HJURP: variants seen among roughly 807,000 people sequenced by gnomAD.
The protein encoded by HJURP is Holliday junction recognition protein, also known as 14-3-3-associated AKT substrate.
A neutral mutation model predicts 72.0 loss-of-function variants in HJURP; 49 were observed. The ratio of observed to expected loss-of-function variants is 0.68; its 90% CI spans 0.54 to 0.86. HJURP has a LOEUF of 0.86. Ranked by LOEUF, HJURP falls within the 40% of genes least tolerant of loss-of-function variation. HJURP has a pLI of 0.00. For missense variants in HJURP, 908 were observed against 936.3 expected (o/e 0.97, Z 0.39); for synonymous variants, 357 against 347.1 (o/e 1.03, Z -0.32).
Position 233,840,762 on chromosome 2 carries a change from G to T in HJURP, c.2018C>A (p.Thr673Lys), listed in dbSNP as rs1276915134. The change falls in exon 8 of 9, where the codon ACG (threonine) becomes AAG (lysine). Residue 673 changes from threonine to lysine, a missense_variant. Coordinates refer to ENST00000411486, the MANE Select transcript of HJURP (RefSeq NM_018410.5). The stretch of plus-strand genomic sequence containing the variant: ...TTTTGCAGGGAACTGATGGTCCCTC[G>T]TGCCATCCCTCGTGATGGCACGAGC... ...CVARAITRDG[T>K]RDHQFPAKRP... 1.9e-6 allele frequency: 3 copies of T among 1,613,852 alleles called. No individual in the cohort carries two copies. Among genetic ancestry groups the T allele is most frequent in the Non-Finnish European group, 2.5e-6 (3 of 1,179,986 alleles).
rs1287169579 is a variant in HJURP, at chr2:233,840,774, G to T, written c.2006C>A (p.Thr669Lys). The change falls in exon 8 of 9, where the codon ACG (threonine) becomes AAG (lysine). Residue 669 changes from threonine to lysine, a missense_variant. By Grantham distance (78) the Thr-to-Lys change is moderately conservative. Coordinates refer to ENST00000411486, the MANE Select transcript of HJURP (RefSeq NM_018410.5). Reference protein sequence around the residue: ...PSSTCVARAITRDGTRDHQFP... With the variant: ...PSSTCVARAIKRDGTRDHQFP... ...CTGATGGTCCCTCGTGCCATCCCTC[G>T]TGATGGCACGAGCAACACATGTAGA... The T allele has an allele frequency of 1.2e-6, 2 of 1,613,448 alleles. No individual in the cohort carries two copies. Among genetic ancestry groups the T allele is most frequent in the Non-Finnish European group, 1.7e-6 (2 of 1,179,878 alleles).
At chr2:233,840,389 G>A (rs569299312) in intron 8 of HJURP, among the ~76,000 whole-genome samples, 1 of 152,332 alleles carries the variant, frequency 6.6e-6, no homozygotes, top group African/African-American at 2.4e-5. Flanking sequence ...AGCACTTTCT[G>A]CTTTACCTCG....
chr2:233,844,266 A>G lies in HJURP; in HGVS notation c.513T>C (p.Ala171=), dbSNP rs1468810761. 6.2e-7 allele frequency: 1 copy of G among 1,614,048 alleles called. No individual in the cohort carries two copies. Among genetic ancestry groups the G allele is most frequent in the Non-Finnish European group, 8.5e-7 (1 of 1,180,018 alleles). ...GCGGAGTCACACGTACATCCCTTCC[A>G]GCTCTGTTACCTGCACACTGAAATC... The part of the protein sequence containing the change: ...AEYFECAGNR[A]GRDVRVTPLP... The change falls in exon 7 of 9, where the codon GCT becomes GCC. Residue 171 remains alanine, a synonymous_variant. Coordinates refer to ENST00000411486, the MANE Select transcript of HJURP (RefSeq NM_018410.5).
intron 1 of HJURP, among the ~76,000 whole-genome samples, 198 bp downstream of exon 1, chr2:233,854,186 C>G (rs954210692): frequency 8.5e-5 from 13 of 152,190 alleles, no homozygotes; most frequent in Admixed American, 5.2e-4. Flanking sequence ...CGCACCGAAG[C>G]CTTCGGCGCT....
chr2:233,854,075 G>A (rs1334829377), intron 1 of HJURP, among the ~76,000 whole-genome samples, 165 bp from the exon 2 acceptor site: 1 of 151,998 alleles, frequency 6.6e-6, no homozygotes, highest in Non-Finnish European at 1.5e-5. Flanking sequence ...GTCCCACTCA[G>A]GAGCACCCCC....
chr2:233,850,518 C>G (rs11562956), intron 3 of HJURP, among the ~76,000 whole-genome samples: 3,067 of 152,184 alleles, frequency 0.02, 130 homozygotes, highest in East Asian at 0.19. Context: ...TTCAGGATAC[C>G]AGATTGGCTG....
rs988952417 is a variant in HJURP, at chr2:233,848,467, C to T, written c.338-1006G>A. 5.9e-5 allele frequency among the ~76,000 whole-genome samples: 9 copies of T among 152,222 alleles called. No individual in the cohort carries two copies. The East Asian group carries it at 1.2e-3, about 20-fold the overall frequency. The stretch of plus-strand genomic sequence containing the variant: ...CACATTCACAGGGGCGTCAGTGGGG[C>T]GGAGGGAGCCCGGGTGGGGTTGGAG... On this transcript the variant is annotated intron_variant, in intron 4 of 8. Transcript: ENST00000411486.
rs1240029390 is a variant in HJURP, at chr2:233,837,580, C to T, written c.2244G>A (p.Val748=). 2 of 1,599,778 alleles carry T rather than the reference C, an allele frequency of 1.3e-6. No individual in the cohort carries two copies. Among genetic ancestry groups the T allele is most frequent in the Non-Finnish European group, 1.7e-6 (2 of 1,167,672 alleles). Residue 748 remains valine (V), a synonymous_variant, in exon 9 of 9, where the codon GTG becomes GTA. Transcript: ENST00000411486. ...FMLEKLETKS[V] is the part of the protein sequence containing the mutation. The stretch of plus-strand genomic sequence containing the variant: ...ATAACACTCCGAAATAACCTAGCTA[C>T]ACACTTTTAGTTTCCAATTTTTCTA...
At chr2:233,837,785 G>A (rs1019240541) in intron 8 of HJURP, 133 bp from the exon 9 acceptor site, 16 of 638,530 alleles carry the variant, frequency 2.5e-5, no homozygotes, top group African/African-American at 1.8e-4. Flanking sequence ...GTGGCATTAC[G>A]TTAAATAAGT....
chr2:233,845,858 C>A (rs376980765), intron 5 of HJURP, 38 bp from the exon 6 acceptor site: 7 of 1,352,404 alleles, frequency 5.2e-6, no homozygotes, highest in Non-Finnish European at 7.4e-6. Context: ...TTAAGAGCTT[C>A]TGAGTATAGC....
chr2:233,840,505 C>G (rs213555), intron 8 of HJURP, 104 bp downstream of exon 8: 1 of 1,196,542 alleles, frequency 8.4e-7, no homozygotes, highest in African/African-American at 1.5e-5. Flanking sequence ...AAGAATTCGG[C>G]TGAGATTCAC....
chr2:233,841,063 C>T lies in HJURP; in HGVS notation c.1717G>A (p.Gly573Arg), dbSNP rs147108058. Residue 573 changes from glycine (G) to arginine (R), a missense_variant, in exon 8 of 9, where the codon GGA becomes AGA. Around this residue, in one of 3 missense-constraint regions of HJURP, gnomAD observed 598 missense variants for 619.5 expected, o/e 0.97. Transcript: ENST00000411486. ...SVPDKEVPGHGRNRYDEIKEE... is the reference protein window; with the variant it reads ...SVPDKEVPGHRRNRYDEIKEE... ...TTAATTTCATCGTAACGATTCCTTC[C>T]GTGGCCTGGCACTTCTTTATCTGGG... The T allele has an allele frequency of 6.0e-5, 97 of 1,614,098 alleles. No homozygotes were observed. Among genetic ancestry groups the T allele is most frequent in the African/African-American group, 5.2e-4 (39 of 75,016 alleles).
chr2:233,839,676 G>A (rs1705169732), intron 8 of HJURP, among the ~76,000 whole-genome samples: 2 of 152,236 alleles, frequency 1.3e-5, no homozygotes, highest in Admixed American at 6.5e-5. Flanking sequence ...AGAAGGGCTC[G>A]CAGGCCAGGC....
chr2:233,841,710 T>C lies in HJURP; in HGVS notation c.1070A>G (p.Lys357Arg). ...SCRKTGLKLEKAFLEVNRPQI... is the reference protein window; with the variant it reads ...SCRKTGLKLERAFLEVNRPQI... The stretch of plus-strand genomic sequence containing the variant: ...GGGTCTGTTGACTTCAAGAAAAGCT[T>C]TTTCCAATTTTAAACCTGTCTTACG... The change falls in exon 8 of 9, where the codon AAA becomes AGA. Residue 357 changes from lysine (K) to arginine (R), a missense_variant. Lys to Arg is a conservative substitution (Grantham distance 26). Coordinates refer to ENST00000411486, the MANE Select transcript of HJURP (RefSeq NM_018410.5). The C allele has an allele frequency of 6.2e-7, 1 of 1,614,176 alleles. No individual in the cohort carries two copies. Among genetic ancestry groups the C allele is most frequent in the South Asian group, 1.1e-5 (1 of 91,078 alleles).
intron 1 of HJURP, among the ~76,000 whole-genome samples, chr2:233,854,142 C>T (rs1705559573): frequency 6.6e-6 from 1 of 152,180 alleles, no homozygotes; most frequent in East Asian, 1.9e-4. Flanking sequence ...CCCCACTCCC[C>T]GTTCCGGAGG....
intron 4 of HJURP, among the ~76,000 whole-genome samples, chr2:233,848,896 A>C: frequency 6.6e-6 from 1 of 152,162 alleles, no homozygotes; most frequent in Non-Finnish European, 1.5e-5. Flanking sequence ...GGAAGGACGA[A>C]GACAGAAGGA....
At chr2:233,845,991 T>C (rs1000771644) in intron 5 of HJURP, 171 bp from the exon 6 acceptor site, 7 of 556,712 alleles carry the variant, frequency 1.3e-5, no homozygotes, top group African/African-American at 1.1e-4. Flanking sequence ...CTTCCTGCTA[T>C]GTTAATAATC....
chr2:233,837,952 A>C (rs1049212506), intron 8 of HJURP, among the ~76,000 whole-genome samples: 4 of 152,366 alleles, frequency 2.6e-5, no homozygotes, highest in Admixed American at 2.6e-4. Flanking sequence ...CTAAGACTTA[A>C]GCTACTTTTC....
intron 6 of HJURP, 55 bp downstream of exon 6, chr2:233,845,673 T>C (rs1288032373): frequency 1.8e-6 from 2 of 1,096,424 alleles, no homozygotes; most frequent in Non-Finnish European, 2.8e-6. Context: ...TGTACCTCAA[T>C]GTATTTAGTT....
Sources: allele counts gnomAD v4.1 joint callset (sites outside exome capture counted in the v4.1 genomes callset), GRCh38; gene constraint gnomAD v4.1.1; regional missense constraint gnomAD v4.1.1; transcripts MANE v1.5; gene names NCBI Gene and HGNC (gene_info 2026-07-23, HGNC 2026-07-21).